PTPRN2: variants seen among roughly 807,000 people sequenced by gnomAD.
PTPRN2 encodes the protein protein tyrosine phosphatase receptor type N2, also known as receptor-type tyrosine-protein phosphatase N2.
PTPRN2 carries 74 observed loss-of-function variants against 118.8 expected under a neutral mutation model. That is an observed-to-expected ratio of 0.62 (90% CI 0.52 to 0.76). The LOEUF (loss-of-function observed/expected upper bound fraction) is 0.76. PTPRN2 is among the 30% of genes least tolerant of loss of function. PTPRN2 has a pLI of 0.00. For synonymous variants in PTPRN2, 641 were observed against 608.0 expected (o/e 1.05, Z -0.80); for missense variants, 1,481 against 1,394.4 (o/e 1.06, Z -0.99).
intron 11 of PTPRN2, among the ~76,000 whole-genome samples, chr7:158,021,020 T>G (rs979712728): frequency 2.6e-5 from 4 of 152,156 alleles, no homozygotes; most frequent in African/African-American, 9.7e-5. Flanking sequence ...AATAATTCCC[T>G]CTCCTTGAGA....
At chr7:158,263,329 C>G (rs745383929) in intron 3 of PTPRN2, among the ~76,000 whole-genome samples, 8 of 152,126 alleles carry the variant, frequency 5.3e-5, no homozygotes, top group Non-Finnish European at 8.8e-5. Context: ...ACAGCTGTAC[C>G]TACTGCACAT....
chr7:157,970,435 A>T (rs1322432470), intron 11 of PTPRN2, among the ~76,000 whole-genome samples: 4 of 152,216 alleles, frequency 2.6e-5, no homozygotes. Flanking sequence ...AAAGAAGGGG[A>T]AAGTCTCTAT....
At position 158,441,420 on chromosome 7, in the gene PTPRN2, G is replaced by A. The variant is rs951684021; in HGVS notation, c.163+48315C>T. Among the ~76,000 whole-genome samples, 104 of 148,000 alleles carry A rather than the reference G, an allele frequency of 7.0e-4. 1 individual carries two copies. The highest frequency in any genetic ancestry group is 3.6e-3 in the Middle Eastern group (1 of 280). On this transcript the variant is annotated intron_variant, in intron 2 of 22. Coordinates refer to ENST00000389418, the MANE Select transcript of PTPRN2 (RefSeq NM_002847.5). ...TGATGGTCATGGTAGTGGTGGTGAT[G>A]GTGATAGTGATGGTGATGGCAGTGG... is the stretch of plus-strand genomic sequence containing the variant.
chr7:157,665,061 C>T (rs1796071428), intron 13 of PTPRN2, among the ~76,000 whole-genome samples: 1 of 152,258 alleles, frequency 6.6e-6, no homozygotes, highest in Admixed American at 6.5e-5. Flanking sequence ...AGACCTGCCC[C>T]TCCACAGCGC....
chr7:158,472,403 T>G (rs1261459018), intron 2 of PTPRN2, among the ~76,000 whole-genome samples: 2 of 152,228 alleles, frequency 1.3e-5, no homozygotes, highest in Non-Finnish European at 2.9e-5. Context: ...ATACATGCCC[T>G]GTTATTGTCA....
intron 12 of PTPRN2, among the ~76,000 whole-genome samples, chr7:157,771,042 T>C (rs1219359130): frequency 6.6e-6 from 1 of 152,240 alleles, no homozygotes; most frequent in Non-Finnish European, 1.5e-5. Flanking sequence ...CAGCTCCCAT[T>C]TCCTCTCTTG....
At chr7:158,070,627 C>A (rs1192858026) in intron 11 of PTPRN2, among the ~76,000 whole-genome samples, 1 of 99,472 alleles carries the variant, frequency 1.0e-5, no homozygotes, top group African/African-American at 4.6e-5. Context: ...TGGAGGTGCC[C>A]CTGGTGGTGG....
intron 2 of PTPRN2, among the ~76,000 whole-genome samples, chr7:158,334,568 T>C (rs867583381): frequency 1.7e-5 from 1 of 59,352 alleles, no homozygotes; most frequent in East Asian, 5.7e-4. Flanking sequence ...ATAAGAGCTC[T>C]CGCCCACAGA....
intron 3 of PTPRN2, among the ~76,000 whole-genome samples, chr7:158,222,710 C>A (rs990295077): frequency 6.6e-6 from 1 of 151,610 alleles, no homozygotes; most frequent in Admixed American, 6.6e-5. Flanking sequence ...AAACCGAAAA[C>A]AAAAGTCAAA....
chr7:158,429,681 A>G (rs1190153565), intron 2 of PTPRN2, among the ~76,000 whole-genome samples: 2 of 152,230 alleles, frequency 1.3e-5, no homozygotes, highest in Non-Finnish European at 2.9e-5. Context: ...GCAGGCAAAC[A>G]TATGGAAAGA....
intron 8 of PTPRN2, among the ~76,000 whole-genome samples, chr7:158,136,125 G>A (rs7799902): frequency 0.35 from 53,426 of 152,092 alleles, 9,773 homozygotes; most frequent in East Asian, 0.5. Flanking sequence ...GGCATCCAGC[G>A]CCTTGGCCCT....
At chr7:157,776,579 C>T (rs1314658094) in intron 12 of PTPRN2, among the ~76,000 whole-genome samples, 5 of 15,458 alleles carry the variant, frequency 3.2e-4, no homozygotes, top group Admixed American at 6.4e-4. Flanking sequence ...TCTCCTCCTC[C>T]CTCTTCTTCT....
intron 3 of PTPRN2, among the ~76,000 whole-genome samples, chr7:158,241,663 G>A (rs190352877): frequency 6.9e-4 from 105 of 152,236 alleles, no homozygotes; most frequent in African/African-American, 2.5e-3. Flanking sequence ...CCTGTTTTGG[G>A]CATACCAGGA....
chr7:158,063,497 C>G (rs1030960473), intron 11 of PTPRN2, among the ~76,000 whole-genome samples: 3 of 152,172 alleles, frequency 2.0e-5, no homozygotes, highest in Non-Finnish European at 1.5e-5. Context: ...AGCAGGCTGC[C>G]CGAGCCAGCA....
rs1800682147 is a variant in PTPRN2 at position 157,949,493 on chromosome 7, T to C, written c.1724-50756A>G. On this transcript the variant is annotated intron_variant, in intron 11 of 22. Coordinates refer to ENST00000389418, the MANE Select transcript of PTPRN2 (RefSeq NM_002847.5). ...GTGCTACCCAGCACAGTGCCTGGAA[T>C]AATAAATATTTACTGAAGGCATCAC... Among the ~76,000 whole-genome samples the C allele has an allele frequency of 4.6e-5, 7 of 152,262 alleles. 1 individual carries two copies. In the South Asian group the frequency reaches 1.4e-3, roughly 31 times the overall value.
chr7:158,122,277 C>G (rs1425088123), intron 9 of PTPRN2, among the ~76,000 whole-genome samples: 1 of 152,172 alleles, frequency 6.6e-6, no homozygotes. Flanking sequence ...TGTGACGTCT[C>G]TAAGCTCAAC....
In PTPRN2 at chr7:158,281,973, G is replaced by C. The variant is rs151292905; in HGVS notation, c.277+34846C>G. Among the ~76,000 whole-genome samples, 108 of 152,260 alleles carry C rather than the reference G, an allele frequency of 7.1e-4. No homozygotes were observed. The East Asian group carries it at 0.016, about 23-fold the overall frequency. On this transcript the variant is annotated intron_variant, in intron 3 of 22. Transcript: ENST00000389418. ...GCTCCCAGCTCAAAGCCCAGCCATC[G>C]TCTCCCAGACATTTTGGGTCGCATG...
chr7:158,140,765 A>G (rs7781500), intron 6 of PTPRN2, among the ~76,000 whole-genome samples: 49,704 of 152,092 alleles, frequency 0.33, 9,605 homozygotes, highest in African/African-American at 0.53. Context: ...CCAACGCGTC[A>G]TCGTGTCCAC....
chr7:158,389,566 ATAAAT>A lies in PTPRN2; in HGVS notation c.164-72639_164-72635del, dbSNP rs1811762953. ...TGAAACAAACACTCCTCCTTATTAAATAAATTAAAAATAATGGGATCTGCGAAAGA... is the reference window on the plus strand; with the variant it reads ...TGAAACAAACACTCCTCCTTATTAAATAAAAATAATGGGATCTGCGAAAGA... On this transcript the variant is annotated intron_variant, in intron 2 of 22. Transcript: ENST00000389418. Among the ~76,000 whole-genome samples, 3 of 152,348 alleles carry A rather than the reference ATAAAT, an allele frequency of 2.0e-5. No homozygotes were observed. The South Asian group carries it at 6.2e-4, about 32-fold the overall frequency.
Sources: gnomAD v4.1 joint callset for allele counts (sites outside exome capture counted in the v4.1 genomes callset) on GRCh38, gnomAD v4.1.1 for gene constraint, MANE v1.5 for transcripts, NCBI Gene and HGNC (gene_info 2026-07-23, HGNC 2026-07-21) for gene names.